The following NT5C1B variants were observed in gnomAD, a reference collection of about 807,000 sequenced individuals.
NT5C1B encodes 5'-nucleotidase, cytosolic IB, also known as cytosolic 5'-nucleotidase 1B.
A neutral mutation model predicts 57.8 loss-of-function variants in NT5C1B; 44 were observed. The observed-to-expected ratio is 0.76, with a 90% confidence interval of 0.60 to 0.98. The LOEUF is 0.98. Ranked by LOEUF, NT5C1B falls within the 50% of genes least tolerant of loss-of-function variation. The pLI, the probability that NT5C1B is intolerant of heterozygous loss-of-function variation, is 0.00. For synonymous variants in NT5C1B, 284 were observed against 282.6 expected (o/e 1.00, Z -0.05); for missense variants, 742 against 719.5 (o/e 1.03, Z -0.36).
At chr2:18,581,266 CT>C (rs1287594336) in intron 6 of NT5C1B, among the ~76,000 whole-genome samples, 2 of 151,926 alleles carry the variant, frequency 1.3e-5, no homozygotes. Flanking sequence ...AGGTTTGTAC[CT>C]TTTGACCTAA....
exon 1 of NT5C1B, chr2:18,589,488 C>T (rs375020758): frequency 2.5e-6 from 4 of 1,613,914 alleles, no homozygotes; most frequent in East Asian, 4.5e-5. Context: ...TGTTGAAATT[C>T]TTTTGTTGTT....
At chr2:18,563,566 C>G (rs1664364919) in exon 9 of NT5C1B, 1 of 389,878 alleles carries the variant, frequency 2.6e-6, no homozygotes, top group East Asian at 3.9e-5. Flanking sequence ...TTATGACTTA[C>G]ACAGAGATAG....
intron 8 of NT5C1B, among the ~76,000 whole-genome samples, chr2:18,569,729 A>G (rs1299517277): frequency 1.3e-5 from 2 of 152,140 alleles, no homozygotes; most frequent in Admixed American, 6.5e-5. Context: ...TAAAATTGAA[A>G]GGATAAATAG....
intron 6 of NT5C1B, among the ~76,000 whole-genome samples, chr2:18,581,470 T>C (rs1666180563): frequency 6.6e-6 from 1 of 152,122 alleles, no homozygotes; most frequent in African/African-American, 2.4e-5. Context: ...ACTGGGTAGC[T>C]GCACATGATA....
In NT5C1B at chr2:18,563,868, CAT is replaced by C; in HGVS notation, c.1579_1580del (p.Met527ValfsTer4). On this transcript the variant is annotated frameshift_variant, in exon 9 of 9. Transcript: ENST00000304081. LOFTEE classifies it high-confidence loss of function. ...ACCTCTGTGCCCCTTCAATGTGGAA[CAT>C]GTGGTCATCAAAGAAGATGTGGGGC... 9.9e-6 allele frequency: 16 copies of C among 1,613,790 alleles called. No individual in the cohort carries two copies. The highest frequency in any genetic ancestry group is 1.2e-5 in the Non-Finnish European group (14 of 1,179,848).
chr2:18,569,234 T>A (rs979484045), intron 8 of NT5C1B, among the ~76,000 whole-genome samples: 2 of 152,100 alleles, frequency 1.3e-5, no homozygotes, highest in African/African-American at 2.4e-5. Flanking sequence ...ATAAAAAATT[T>A]TAAATGAGTC....
At chr2:18,582,772 A>G in intron 6 of NT5C1B, 96 bp downstream of exon 6, 2 of 1,519,326 alleles carry the variant, frequency 1.3e-6, no homozygotes, top group Non-Finnish European at 1.8e-6. Flanking sequence ...AGTATCAAAG[A>G]CACTGCATTT....
exon 9 of NT5C1B, chr2:18,563,696 G>C: frequency 3.9e-6 from 5 of 1,296,612 alleles, no homozygotes; most frequent in Non-Finnish European, 5.1e-6. Flanking sequence ...AAAGTTTTAA[G>C]GTCCAATTTT....
chr2:18,576,431 T>TA lies in NT5C1B; in HGVS notation c.1145-64dup, dbSNP rs879009035. On this transcript the variant is annotated intron_variant, in intron 7 of 8. Coordinates refer to ENST00000304081, the Ensembl canonical transcript of NT5C1B. ...GTCCATGAGTTATAGTTTCTACCAT[T>TA]AAAAAAAACAAATTCTCCCAGACCT... is the stretch of plus-strand genomic sequence containing the variant. 4.6e-4 allele frequency: 699 copies of TA among 1,512,640 alleles called. 2 individuals carry two copies. Among genetic ancestry groups the TA allele is most frequent in the South Asian group, 3.0e-3 (227 of 75,896 alleles). 93.7% of individuals were successfully genotyped at this position (1,512,640 alleles called of 1,614,324 possible).
rs1388325286 is a variant in NT5C1B at position 18,584,494 on chromosome 2, G to A, written c.723+20C>T. The A allele has an allele frequency of 1.9e-6, 3 of 1,600,600 alleles. No individual in the cohort carries two copies. Among genetic ancestry groups the A allele is most frequent in the Admixed American group, 3.4e-5 (2 of 58,656 alleles). On this transcript the variant is annotated intron_variant, in intron 4 of 8. Coordinates refer to ENST00000304081, the Ensembl canonical transcript of NT5C1B. This position sits in a 1 kb window ranked among gnomAD's most constrained non-coding sequence, Gnocchi z 5.8. Reference sequence around the variant, plus strand: ...GCAAGGAAGGGCGCCCCGGCTGCCAGGGGCGGCGGGCTGGCTCACCGGCCA... The same window carrying A: ...GCAAGGAAGGGCGCCCCGGCTGCCAAGGGCGGCGGGCTGGCTCACCGGCCA...
chr2:18,585,782 T>A (rs1666647953), intron 3 of NT5C1B, among the ~76,000 whole-genome samples: 1 of 152,196 alleles, frequency 6.6e-6, no homozygotes, highest in Non-Finnish European at 1.5e-5. Context: ...GCTTTCCCAG[T>A]GGCTGGGTCT....
exon 9 of NT5C1B, chr2:18,563,785 C>G (rs1664387491): frequency 2.0e-6 from 3 of 1,509,788 alleles, no homozygotes; most frequent in Non-Finnish European, 2.7e-6. Context: ...CTTTATTTCT[C>G]CTCCCTGCCC....
In NT5C1B at chr2:18,584,490, G is replaced by C. The variant is rs1361969518; in HGVS notation, c.723+24C>G. On this transcript the variant is annotated intron_variant, in intron 4 of 8. Transcript: ENST00000304081. This position sits in a 1 kb window ranked among gnomAD's most constrained non-coding sequence, Gnocchi z 5.8. ...GGCTGCAAGGAAGGGCGCCCCGGCT[G>C]CCAGGGGCGGCGGGCTGGCTCACCG... 3 of 1,599,366 alleles carry C rather than the reference G, an allele frequency of 1.9e-6. No homozygotes were observed. In the East Asian group the frequency reaches 6.8e-5, roughly 36 times the overall value.
Position 18,584,430 on chromosome 2 carries a change from C to T in NT5C1B, c.723+84G>A. The T allele has an allele frequency of 6.5e-7, 1 of 1,534,348 alleles. No individual in the cohort carries two copies. Among genetic ancestry groups the T allele is most frequent in the South Asian group, 1.2e-5 (1 of 82,250 alleles). On this transcript the variant is annotated intron_variant, in intron 4 of 8. Transcript: ENST00000304081. The surrounding 1 kb of genome is among the most constrained non-coding windows in gnomAD (Gnocchi z 5.8). ...GTTTGGGGAGGAGAAGCGGGAGGAC[C>T]TCCCTGCGCAGTGGAGAGGAGGGCG...
At chr2:18,565,837 A>AAAG (rs1664593608) in intron 8 of NT5C1B, among the ~76,000 whole-genome samples, 1 of 152,118 alleles carries the variant, frequency 6.6e-6, no homozygotes, top group South Asian at 2.1e-4. Context: ...ACATGATTTT[A>AAAG]AAGTTTTTCT....
At chr2:18,581,862 C>T (rs1666216314) in intron 6 of NT5C1B, among the ~76,000 whole-genome samples, 1 of 152,124 alleles carries the variant, frequency 6.6e-6, no homozygotes, top group Admixed American at 6.5e-5. Context: ...TCTTCTGGGT[C>T]AAAAGATTTT....
chr2:18,588,149 G>A (rs1298705096), intron 1 of NT5C1B, among the ~76,000 whole-genome samples: 1 of 152,100 alleles, frequency 6.6e-6, no homozygotes, highest in Non-Finnish European at 1.5e-5. Context: ...AGAGTGGAAA[G>A]GGATTTCTTA....
chr2:18,580,137 C>G lies in NT5C1B; in HGVS notation c.1021+2731G>C, dbSNP rs1572356978. 3.9e-5 allele frequency among the ~76,000 whole-genome samples: 6 copies of G among 152,156 alleles called. No individual in the cohort carries two copies. In the East Asian group the frequency reaches 1.2e-3, roughly 29 times the overall value. On this transcript the variant is annotated intron_variant, in intron 6 of 8. Coordinates refer to ENST00000304081, the Ensembl canonical transcript of NT5C1B. ...TATTATTAAAAAGTTAAAAAATGAC[C>G]TGCTGGTGAGGTTGTGGTTAAAAAC...
chr2:18,584,839 G>T lies in NT5C1B; in HGVS notation c.398C>A (p.Pro133His). 6.2e-7 allele frequency: 1 copy of T among 1,610,406 alleles called. No individual in the cohort carries two copies. Among genetic ancestry groups the T allele is most frequent in the Non-Finnish European group, 8.5e-7 (1 of 1,178,898 alleles). ...AGGATCGGGCTCTGGGGGCGTGGGA[G>T]GCCGCGAGTCCAGCGACCGGGGCAG... Residue 133 changes from proline to histidine, a missense_variant, in exon 4 of 9, where the codon CCT (proline) becomes CAT (histidine). Coordinates refer to ENST00000304081, the Ensembl canonical transcript of NT5C1B. The surrounding 1 kb of genome is among the most constrained non-coding windows in gnomAD (Gnocchi z 5.8).
Sources: allele counts gnomAD v4.1 joint callset (sites outside exome capture counted in the v4.1 genomes callset), GRCh38; gene constraint gnomAD v4.1.1; non-coding constraint Gnocchi (gnomAD v3.1); transcripts MANE v1.5; gene names NCBI Gene and HGNC (gene_info 2026-07-23, HGNC 2026-07-21).